OSMR: variants seen among roughly 807,000 people sequenced by gnomAD.
OSMR encodes the protein oncostatin-M-specific receptor subunit beta.
In OSMR, 81 loss-of-function variants were observed where a neutral mutation model predicts 99.9. The observed-to-expected ratio is 0.81, with a 90% CI of 0.68 to 0.97. OSMR has a LOEUF of 0.97. OSMR is among the 50% of genes least tolerant of loss of function. OSMR has a pLI of 0.00. For missense variants in OSMR, 1,099 were observed against 1,153.4 expected (o/e 0.95, Z 0.68); for synonymous variants, 406 against 410.4 (o/e 0.99, Z 0.13).
intron 11 of OSMR, among the ~76,000 whole-genome samples, chr5:38,920,305 G>A (rs571059619): frequency 3.2e-4 from 49 of 152,154 alleles, no homozygotes; most frequent in Non-Finnish European, 4.4e-5. Flanking sequence ...AACCAGTAAG[G>A]TTAAGCCAGT....
chr5:38,917,410 TAGAG>T, intron 9 of OSMR, 132 bp from the exon 10 acceptor site: 1 of 1,473,140 alleles, frequency 6.8e-7, no homozygotes, highest in Non-Finnish European at 9.1e-7. Context: ...GTAGAAGTCA[TAGAG>T]AGTGAAAACG....
chr5:38,921,731 G>A lies in OSMR; in HGVS notation c.1702G>A (p.Val568Met), dbSNP rs746016614. Residue 568 changes from valine to methionine, a missense_variant, in exon 12 of 18, where the codon GTG becomes ATG. Transcript: ENST00000274276. ...VVDWCDHTQD[V>M]LGDFQWKNVG... ...GGACTGGTGTGACCATACCCAGGAT[G>A]TGCTCGGTGATTTCCAGTGGAAGAA... 5 of 1,614,124 alleles carry A rather than the reference G, an allele frequency of 3.1e-6. No individual in the cohort carries two copies. The South Asian group carries it at 4.4e-5, about 14-fold the overall frequency.
At chr5:38,908,017 G>A (rs962441514) in intron 9 of OSMR, among the ~76,000 whole-genome samples, 3 of 151,948 alleles carry the variant, frequency 2.0e-5, no homozygotes, top group South Asian at 2.1e-4. Context: ...TGCCACCAGC[G>A]TGAATGTGTG....
intron 13 of OSMR, among the ~76,000 whole-genome samples, chr5:38,923,941 C>G (rs988136336): frequency 2.6e-5 from 4 of 152,152 alleles, no homozygotes. Context: ...TTCAGTGACA[C>G]TTGGATAAGT....
rs74696378 is a variant in OSMR, at chr5:38,886,321, A to G, written c.991+131A>G. 10,154 of 1,536,158 alleles carry G rather than the reference A, an allele frequency of 6.6e-3. 568 individuals carry two copies. In the Admixed American group the frequency reaches 0.11, roughly 16 times the overall value. On this transcript the variant is annotated intron_variant, in intron 7 of 17. Coordinates refer to ENST00000274276, the MANE Select transcript of OSMR (RefSeq NM_003999.3). ...GAGGTGAGAGTTAGAATTTATACCT[A>G]TTGTTCATGCCACGTTTCTCCTCAT...
At chr5:38,941,810 T>C (rs1747601534) in intron 1 of OSMR, 1 of 233,178 alleles carries the variant, frequency 4.3e-6, no homozygotes, top group Non-Finnish European at 8.5e-6. Flanking sequence ...CCCTCTCTAA[T>C]ACCAGCAGTT....
chr5:38,913,627 A>AATG (rs1312081074), intron 9 of OSMR, among the ~76,000 whole-genome samples: 2 of 152,154 alleles, frequency 1.3e-5, no homozygotes, highest in Non-Finnish European at 2.9e-5. Context: ...AACATTAAAA[A>AATG]ATGCTCAACA....
chr5:38,859,484 CT>C (rs1181604069), intron 1 of OSMR, among the ~76,000 whole-genome samples: 1 of 152,108 alleles, frequency 6.6e-6, no homozygotes, highest in Non-Finnish European at 1.5e-5. Context: ...CAATATCATG[CT>C]GTTTGGGTTA....
At chr5:38,913,516 C>G (rs1561396796) in intron 9 of OSMR, among the ~76,000 whole-genome samples, 1 of 149,704 alleles carries the variant, frequency 6.7e-6, no homozygotes, top group African/African-American at 2.5e-5. Flanking sequence ...TGCCACTGCA[C>G]TCCAGCCTGG....
intron 7 of OSMR, among the ~76,000 whole-genome samples, chr5:38,895,995 G>A (rs112142593): frequency 1.3e-5 from 2 of 151,962 alleles, no homozygotes; most frequent in African/African-American, 4.8e-5. Context: ...ACTCTAGTCT[G>A]TTCTACTGGT....
intron 14 of OSMR, among the ~76,000 whole-genome samples, chr5:38,924,840 G>GCT (rs1333712122): frequency 2.0e-5 from 3 of 151,734 alleles, no homozygotes; most frequent in Non-Finnish European, 4.4e-5. Context: ...AACACCACCA[G>GCT]CTCCTTAAGA....
At chr5:38,885,126 C>T in intron 5 of OSMR, 2 of 933,372 alleles carry the variant, frequency 2.1e-6, no homozygotes, top group Non-Finnish European at 2.6e-6. Context: ...CATCCATGCC[C>T]ATGACATCTC....
chr5:38,886,410 A>G lies in OSMR; in HGVS notation c.991+220A>G, dbSNP rs1466021472. The G allele has an allele frequency of 2.2e-5, 29 of 1,292,536 alleles. 1 individual carries two copies. Among genetic ancestry groups the G allele is most frequent in the Non-Finnish European group, 2.4e-5 (24 of 1,000,286 alleles). The allele number at this position is 1,292,536 out of a possible 1,614,324, so 80.1% of individuals were successfully genotyped here. A position where few individuals can be genotyped will look rare whatever the true frequency, so the allele number is the denominator to read the frequency against. On this transcript the variant is annotated intron_variant, in intron 7 of 17. Coordinates refer to ENST00000274276, the MANE Select transcript of OSMR (RefSeq NM_003999.3). ...TGTCACGAGCACCAATGAGCTTACT[A>G]CCCAACTTCAAAACTAGGACTCTAA...
rs772897633 is a variant in OSMR at position 38,924,437 on chromosome 5, C to T, written c.1886C>T (p.Pro629Leu). Residue 629 changes from proline (P) to leucine (L), a missense_variant, in exon 14 of 18, where the codon CCT becomes CTT. Pro to Leu is a moderately conservative substitution (Grantham distance 98). Coordinates refer to ENST00000274276, the MANE Select transcript of OSMR (RefSeq NM_003999.3). The part of the protein sequence containing the change: ...YSQELAPSDN[P>L]HVLVDTLTSH... ...CTTTTCCTAGCTCCTTCAGACAACC[C>T]TCACGTGCTGGTGGATACATTGACA... 1 of 1,614,134 alleles carries T rather than the reference C, an allele frequency of 6.2e-7. No homozygotes were observed. Among genetic ancestry groups the T allele is most frequent in the South Asian group, 1.1e-5 (1 of 91,078 alleles).
chr5:38,943,867 C>T (rs1747882761), intron 1 of OSMR, among the ~76,000 whole-genome samples: 1 of 152,062 alleles, frequency 6.6e-6, no homozygotes, highest in Non-Finnish European at 1.5e-5. Flanking sequence ...CCCTGAGGTG[C>T]ATTTCTTTTA....
intron 9 of OSMR, among the ~76,000 whole-genome samples, chr5:38,913,129 A>G (rs1745690057): frequency 6.6e-6 from 1 of 152,194 alleles, no homozygotes; most frequent in Non-Finnish European, 1.5e-5. Flanking sequence ...CTATCAAAAG[A>G]GTAAGCAACA....
chr5:38,849,185 A>G (rs1180875804), intron 1 of OSMR, among the ~76,000 whole-genome samples: 1 of 152,234 alleles, frequency 6.6e-6, no homozygotes, highest in Non-Finnish European at 1.5e-5. Context: ...TCACACATTC[A>G]TCTTCCTGCT....
intron 12 of OSMR, among the ~76,000 whole-genome samples, chr5:38,922,399 G>A (rs1205627230): frequency 6.6e-6 from 1 of 152,172 alleles, no homozygotes; most frequent in Non-Finnish European, 1.5e-5. Flanking sequence ...TGTGGAAGGA[G>A]ATTGCAGAGG....
intron 7 of OSMR, among the ~76,000 whole-genome samples, chr5:38,895,369 T>A (rs1365095932): frequency 6.6e-6 from 1 of 152,084 alleles, no homozygotes; most frequent in Admixed American, 6.5e-5. Flanking sequence ...TAGTTTTGAT[T>A]TGTATTTCTC....
Sources: gnomAD v4.1 joint callset for allele counts (sites outside exome capture counted in the v4.1 genomes callset) on GRCh38, gnomAD v4.1.1 for gene constraint, MANE v1.5 for transcripts, NCBI Gene and HGNC (gene_info 2026-07-23, HGNC 2026-07-21) for gene names.